Variants in ZNF704 observed in about 807,000 individuals in gnomAD.
The protein encoded by ZNF704 is glucocorticoid induced gene 1.
A neutral mutation model predicts 44.7 loss-of-function variants in ZNF704; 10 were observed. The observed-to-expected ratio is 0.22, with a 90% CI of 0.14 to 0.38. The LOEUF (loss-of-function observed/expected upper bound fraction) is 0.38. Among genes scored for constraint, ZNF704 ranks in the 10% least tolerant of loss-of-function variants. The pLI is 1.00. For missense variants in ZNF704, 390 were observed against 545.5 expected (o/e 0.71, Z 2.84); for synonymous variants, 211 against 207.6 (o/e 1.02, Z -0.14).
chr8:80,683,497 G>T (rs534193258), intron 4 of ZNF704, among the ~76,000 whole-genome samples: 247 of 152,212 alleles, frequency 1.6e-3, no homozygotes, highest in African/African-American at 5.4e-3. Context: ...TTCTCTCCAC[G>T]TTTTTCTCCT....
chr8:80,760,918 C>T (rs1416709401), intron 2 of ZNF704, among the ~76,000 whole-genome samples: 3 of 151,288 alleles, frequency 2.0e-5, no homozygotes, highest in African/African-American at 7.4e-5. Context: ...ATCACCAGAT[C>T]TCACAAGAAC....
At chr8:80,817,103 C>T (rs1376808512) in intron 2 of ZNF704, among the ~76,000 whole-genome samples, 2 of 152,134 alleles carry the variant, frequency 1.3e-5, no homozygotes, top group Non-Finnish European at 2.9e-5. Flanking sequence ...CCCTCTTAAA[C>T]AATGAAGATT....
intron 1 of ZNF704, among the ~76,000 whole-genome samples, chr8:80,825,313 A>T (rs1269129627): frequency 6.6e-6 from 1 of 152,132 alleles, no homozygotes; most frequent in Non-Finnish European, 1.5e-5. Flanking sequence ...CCAACAAAGA[A>T]CAAAAGAGAC....
chr8:80,798,151 T>C (rs952354374), intron 2 of ZNF704, among the ~76,000 whole-genome samples: 2 of 152,170 alleles, frequency 1.3e-5, no homozygotes, highest in Admixed American at 6.5e-5. Flanking sequence ...ATGGACACAA[T>C]GCAGCCAAGT....
At chr8:80,844,713 A>C (rs1457866037) in intron 1 of ZNF704, among the ~76,000 whole-genome samples, 1 of 152,216 alleles carries the variant, frequency 6.6e-6, no homozygotes, top group Non-Finnish European at 1.5e-5. Context: ...TAGTTTTTAA[A>C]TTTTAGAAAT....
intron 1 of ZNF704, among the ~76,000 whole-genome samples, chr8:80,848,037 G>C (rs1209370815): frequency 6.6e-6 from 1 of 152,184 alleles, no homozygotes; most frequent in Non-Finnish European, 1.5e-5. Context: ...TTCAATGGGT[G>C]AAAAGGTAAA....
chr8:80,814,032 C>G (rs1340105498), intron 2 of ZNF704: 1 of 152,080 alleles, frequency 6.6e-6, no homozygotes, highest in African/African-American at 2.4e-5. Flanking sequence ...AGCATATGTG[C>G]ATTTAGATTA....
intron 7 of ZNF704, among the ~76,000 whole-genome samples, chr8:80,656,664 C>T (rs948328981): frequency 6.6e-6 from 1 of 152,150 alleles, no homozygotes; most frequent in Admixed American, 6.5e-5. Context: ...GGAAATCTAG[C>T]ATAGGCAAAT....
intron 4 of ZNF704, among the ~76,000 whole-genome samples, chr8:80,672,696 T>C (rs1818301281): frequency 6.6e-6 from 1 of 152,028 alleles, no homozygotes; most frequent in Non-Finnish European, 1.5e-5. Context: ...CACTTCTAAG[T>C]GGGAGCTAAA....
chr8:80,836,475 C>G (rs1039222450), intron 1 of ZNF704, among the ~76,000 whole-genome samples: 10 of 152,136 alleles, frequency 6.6e-5, no homozygotes, highest in Non-Finnish European at 1.5e-4. Flanking sequence ...TATTCTATAT[C>G]AGCTACAGAA....
At chr8:80,666,232 G>A (rs1251149733) in intron 5 of ZNF704, among the ~76,000 whole-genome samples, 2 of 146,218 alleles carry the variant, frequency 1.4e-5, no homozygotes, top group South Asian at 2.2e-4. Flanking sequence ...TTTTGTTCTT[G>A]CGATAGTTTA....
intron 3 of ZNF704, 151 bp downstream of exon 3, chr8:80,692,853 G>T (rs762770913): frequency 1.5e-6 from 1 of 666,456 alleles, no homozygotes; most frequent in Admixed American, 2.6e-5. Flanking sequence ...ACAGCTCTGG[G>T]GGCCTCGACT....
chr8:80,768,391 A>G lies in ZNF704; in HGVS notation c.221+52983T>C, dbSNP rs569304890. 3.5e-4 allele frequency among the ~76,000 whole-genome samples: 53 copies of G among 152,286 alleles called. 1 individual carries two copies. The South Asian group carries it at 0.011, about 30-fold the overall frequency. ...TGGAAAAAATCAGCCTGCTTCCACC[A>G]TGAGTTGGACACTGGCAAGTTACTG... On this transcript the variant is annotated intron_variant, in intron 2 of 8. Transcript: ENST00000327835.
chr8:80,643,178 T>C, intron 7 of ZNF704, 49 bp from the exon 8 acceptor site: 1 of 1,422,370 alleles, frequency 7.0e-7, no homozygotes, highest in Non-Finnish European at 9.7e-7. Context: ...TCTCCACCCA[T>C]GCAGTTAGTT....
chr8:80,668,447 A>G (rs1818228918), intron 5 of ZNF704, among the ~76,000 whole-genome samples: 1 of 152,218 alleles, frequency 6.6e-6, no homozygotes, highest in Admixed American at 6.5e-5. Flanking sequence ...CAGGTCTGGC[A>G]GGGCTTGGCC....
chr8:80,755,250 A>G (rs1369976669), intron 2 of ZNF704, among the ~76,000 whole-genome samples: 2 of 152,084 alleles, frequency 1.3e-5, no homozygotes, highest in Non-Finnish European at 2.9e-5. Flanking sequence ...GCAGATCATG[A>G]GGTCAGGAGT....
chr8:80,675,340 A>C (rs1364637550), intron 4 of ZNF704, among the ~76,000 whole-genome samples: 1 of 152,230 alleles, frequency 6.6e-6, no homozygotes, highest in Non-Finnish European at 1.5e-5. Context: ...GATTTGTTTG[A>C]GATAAAGTGC....
In ZNF704 at chr8:80,665,061, G is replaced by C. The variant is rs913059253; in HGVS notation, c.681C>G (p.Tyr227Ter). The C allele has an allele frequency of 6.2e-7, 1 of 1,614,084 alleles. No homozygotes were observed. Among genetic ancestry groups the C allele is most frequent in the African/African-American group, 1.3e-5 (1 of 74,930 alleles). The change falls in exon 6 of 9, where the codon TAC (tyrosine) becomes TAG (stop). Residue 227 changes from tyrosine to a stop codon, truncating the protein, a stop_gained. Transcript: ENST00000327835. LOFTEE classifies it high-confidence loss of function. ...IHLGRVGDSD[Y>*]SDGEEDFYYT... ...AGTAAAAGTCCTCTTCTCCATCACT[G>C]TAGTCAGAGTCTCCAACGCGCCTAA...
chr8:80,709,375 C>T (rs1243970579), intron 2 of ZNF704, among the ~76,000 whole-genome samples: 3 of 124,724 alleles, frequency 2.4e-5, no homozygotes, highest in African/African-American at 9.1e-5. Context: ...ACCTGGGAGG[C>T]GGAGATTGCA....
Sources: gnomAD v4.1 joint callset for allele counts (sites outside exome capture counted in the v4.1 genomes callset) on GRCh38, gnomAD v4.1.1 for gene constraint, MANE v1.5 for transcripts, NCBI Gene and HGNC (gene_info 2026-07-23, HGNC 2026-07-21) for gene names.